The following CAST variants were observed in gnomAD, a reference collection of about 807,000 sequenced individuals.
CAST encodes the protein MIR583 host.
In CAST, 76 loss-of-function variants were observed where a neutral mutation model predicts 119.6. That is an observed-to-expected ratio of 0.64 (90% confidence interval 0.53 to 0.77). CAST has a LOEUF of 0.77. Ranked by LOEUF, CAST falls within the 30% of genes least tolerant of loss-of-function variation. The pLI, the probability that CAST is intolerant of heterozygous loss-of-function variation, is 0.00. For synonymous variants in CAST, 319 were observed against 331.6 expected (o/e 0.96, Z 0.41); for missense variants, 953 against 946.5 (o/e 1.01, Z -0.09).
chr5:96,519,081 C>T, the CAST span, among the ~76,000 whole-genome samples: 2 of 152,202 alleles, frequency 1.3e-5, no homozygotes, highest in South Asian at 2.1e-4. Context: ...AAAAGAATGG[C>T]TGTGAGTATC....
chr5:96,132,173 G>A, the CAST span, among the ~76,000 whole-genome samples: 1 of 152,026 alleles, frequency 6.6e-6, no homozygotes, highest in Non-Finnish European at 1.5e-5. Flanking sequence ...AGTATGTTTT[G>A]ACAGAAGGGA....
At chr5:96,654,370 C>T (rs1222011379) in intron 1 of CAST, among the ~76,000 whole-genome samples, 1 of 152,092 alleles carries the variant, frequency 6.6e-6, no homozygotes, top group Non-Finnish European at 1.5e-5. Context: ...TTCACTTTCA[C>T]TACTTTCCTC....
At chr5:96,099,712 C>A in the CAST span, among the ~76,000 whole-genome samples, 15 of 152,278 alleles carry the variant, frequency 9.9e-5, no homozygotes, top group African/African-American at 3.6e-4. Flanking sequence ...TGATGTGCTG[C>A]TAGATTTGGT....
chr5:96,211,924 G>T, the CAST span, among the ~76,000 whole-genome samples: 1 of 152,034 alleles, frequency 6.6e-6, no homozygotes, highest in Non-Finnish European at 1.5e-5. Flanking sequence ...ATGTAGAATT[G>T]CCACAGTATT....
At chr5:96,652,231 A>G (rs983811720) in intron 1 of CAST, among the ~76,000 whole-genome samples, 3 of 152,250 alleles carry the variant, frequency 2.0e-5, no homozygotes, top group Non-Finnish European at 4.4e-5. Context: ...ACCCTTAGGT[A>G]TCTTCCAACC....
At chr5:96,570,831 T>A (rs994436788) in intron 1 of CAST, among the ~76,000 whole-genome samples, 1 of 152,096 alleles carries the variant, frequency 6.6e-6, no homozygotes, top group Non-Finnish European at 1.5e-5. Flanking sequence ...TTTGTTTGAG[T>A]TATAGATGGA....
At chr5:96,623,112 CCTT>C (rs768026552) in intron 1 of CAST, among the ~76,000 whole-genome samples, 1 of 152,094 alleles carries the variant, frequency 6.6e-6, no homozygotes, top group Non-Finnish European at 1.5e-5. Flanking sequence ...GATCTGTCCT[CCTT>C]GGCCTCCCAA....
chr5:96,591,696 T>G (rs1026055465), intron 1 of CAST, among the ~76,000 whole-genome samples: 1 of 152,244 alleles, frequency 6.6e-6, no homozygotes, highest in Non-Finnish European at 1.5e-5. Flanking sequence ...AAATTCTTCC[T>G]TGGCATAATA....
intron 1 of CAST, among the ~76,000 whole-genome samples, chr5:96,568,280 GA>G (rs749795016): frequency 9.9e-5 from 15 of 152,058 alleles, no homozygotes; most frequent in Non-Finnish European, 2.2e-4. Context: ...TTAAGAGTCA[GA>G]AGGCCGGACA....
the CAST span, among the ~76,000 whole-genome samples, chr5:95,981,634 G>C: frequency 1.3e-5 from 2 of 152,150 alleles, no homozygotes; most frequent in Admixed American, 1.3e-4. Flanking sequence ...CCAGCACTTT[G>C]GCAGGCCGAG....
At chr5:96,218,382 A>G in the CAST span, among the ~76,000 whole-genome samples, 1 of 152,226 alleles carries the variant, frequency 6.6e-6, no homozygotes, top group Non-Finnish European at 1.5e-5. Flanking sequence ...GAAATAATGT[A>G]TTACATTTAT....
the CAST span, among the ~76,000 whole-genome samples, chr5:96,378,632 TC>T: frequency 6.6e-6 from 1 of 152,084 alleles, no homozygotes; most frequent in Non-Finnish European, 1.5e-5. Context: ...TCTAAAGATA[TC>T]CTTTAAAAGT....
chr5:96,682,561 C>T (rs767379848), intron 2 of CAST, among the ~76,000 whole-genome samples: 3 of 151,530 alleles, frequency 2.0e-5, no homozygotes, highest in African/African-American at 4.8e-5. Flanking sequence ...TTTCAGTCTT[C>T]GGGGTAATGA....
At chr5:96,664,205 C>G (rs765419126) in intron 1 of CAST, among the ~76,000 whole-genome samples, 1 of 151,688 alleles carries the variant, frequency 6.6e-6, no homozygotes, top group Non-Finnish European at 1.5e-5. Flanking sequence ...TTATATCCCA[C>G]AAGTAGTGTT....
At position 96,741,272 on chromosome 5, in the gene CAST, A is replaced by C. The variant is rs140434940; in HGVS notation, c.925A>C (p.Ile309Leu). 5,844 of 1,606,208 alleles carry C rather than the reference A, an allele frequency of 3.6e-3. 119 individuals carry two copies. In the Admixed American group the frequency reaches 0.04, roughly 11 times the overall value. Residue 309 changes from isoleucine to leucine, a missense_variant, in exon 14 of 32, where the codon ATA (isoleucine) becomes CTA (leucine). By Grantham distance (5) the Ile-to-Leu change is conservative. Transcript: ENST00000675179. ...ACTGTGCCTGTTTCTTTAGAAACCCATAGGGCCAGATGATGCTATAGACGC... is the reference window on the plus strand; with the variant it reads ...ACTGTGCCTGTTTCTTTAGAAACCCCTAGGGCCAGATGATGCTATAGACGC... Reference protein sequence around the residue: ...TGPPADSSKPIGPDDAIDALS... With the variant: ...TGPPADSSKPLGPDDAIDALS...
chr5:96,704,855 T>C (rs1462298607), intron 3 of CAST, among the ~76,000 whole-genome samples: 2 of 152,218 alleles, frequency 1.3e-5, no homozygotes, highest in Non-Finnish European at 2.9e-5. Flanking sequence ...GACTTAAAAA[T>C]GTCATCTTAA....
At chr5:96,565,836 C>T (rs1344327190) in intron 1 of CAST, among the ~76,000 whole-genome samples, 1 of 152,170 alleles carries the variant, frequency 6.6e-6, no homozygotes, top group African/African-American at 2.4e-5. Context: ...ACCTAGAAAT[C>T]CTATATTCTC....
chr5:96,694,837 G>T (rs1044295522), intron 2 of CAST, among the ~76,000 whole-genome samples: 1 of 151,956 alleles, frequency 6.6e-6, no homozygotes, highest in Admixed American at 6.6e-5. Flanking sequence ...GCCCAAGAAG[G>T]ATTTTTTAAA....
the CAST span, among the ~76,000 whole-genome samples, chr5:96,106,643 C>G: frequency 0.65 from 93,299 of 143,986 alleles, 30,738 homozygotes; most frequent in African/African-American, 0.73. Flanking sequence ...TTACTTCCAA[C>G]TATGTGGTCA....
Sources: allele counts gnomAD v4.1 joint callset (sites outside exome capture counted in the v4.1 genomes callset), GRCh38; gene constraint gnomAD v4.1.1; transcripts MANE v1.5; gene names NCBI Gene and HGNC (gene_info 2026-07-23, HGNC 2026-07-21).